Variants in CTNNA3 observed in about 807,000 individuals in gnomAD.
CTNNA3 encodes catenin alpha 3.
CTNNA3 carries 76 observed loss-of-function variants against 95.7 expected under a neutral mutation model. That is an observed-to-expected ratio of 0.79 (90% confidence interval 0.66 to 0.96). The LOEUF (loss-of-function observed/expected upper bound fraction) is 0.96. CTNNA3 is among the 40% of genes least tolerant of loss of function. The probability of loss-of-function intolerance (pLI) is 0.00; values close to 1 mark genes in which losing one functional copy is unlikely to be tolerated. For missense variants in CTNNA3, 1,191 were observed against 1,089.8 expected, an observed-to-expected ratio of 1.09 and a Z score of -1.31; for synonymous variants, 431 against 374.4, an observed-to-expected ratio of 1.15 and a Z score of -1.74.
intron 11 of CTNNA3, among the ~76,000 whole-genome samples, chr10:66,508,825 T>G (rs55638229): frequency 1.1e-4 from 17 of 152,102 alleles, no homozygotes; most frequent in Non-Finnish European, 1.9e-4. Flanking sequence ...TTCGCTCTTA[T>G]GAATAGTGCT....
chr10:66,397,743 C>T (rs1210283777), intron 11 of CTNNA3, among the ~76,000 whole-genome samples: 1 of 151,728 alleles, frequency 6.6e-6, no homozygotes, highest in Non-Finnish European at 1.5e-5. Flanking sequence ...AATGCTAGAC[C>T]ATTTATTTTT....
intron 11 of CTNNA3, among the ~76,000 whole-genome samples, chr10:66,480,918 C>T (rs1839500718): frequency 6.6e-6 from 1 of 152,034 alleles, no homozygotes; most frequent in Non-Finnish European, 1.5e-5. Flanking sequence ...TAAATATTTT[C>T]TAAGTATACT....
chr10:66,069,444 C>T lies in CTNNA3; in HGVS notation c.2023G>A (p.Glu675Lys), dbSNP rs1415628169. 1 of 1,613,244 alleles carries T rather than the reference C, an allele frequency of 6.2e-7. No homozygotes were observed. Among genetic ancestry groups the T allele is most frequent in the Non-Finnish European group, 8.5e-7 (1 of 1,179,670 alleles). The change falls in exon 15 of 18, where the codon GAG becomes AAG. Residue 675 changes from glutamate (E) to lysine (K), a missense_variant. Glu to Lys is a moderately conservative substitution (Grantham distance 56). Transcript: ENST00000433211. ...LPEAEKEKIA[E>K]QVADFKKVKS... ...ACTTTCTTGAAATCAGCAACTTGCT[C>T]AGCAATCTTTTCTTTTTCTGCCTCA... is the stretch of plus-strand genomic sequence containing the variant.
At chr10:66,442,436 A>G (rs1214595496) in intron 11 of CTNNA3, among the ~76,000 whole-genome samples, 1 of 152,142 alleles carries the variant, frequency 6.6e-6, no homozygotes, top group Non-Finnish European at 1.5e-5. Context: ...AATTAAAATA[A>G]CTGTAAATAT....
In CTNNA3 at chr10:67,166,004, T is replaced by G. The variant is rs559775889; in HGVS notation, c.1047+14313A>C. On this transcript the variant is annotated intron_variant, in intron 7 of 17. Coordinates refer to ENST00000433211, the MANE Select transcript of CTNNA3 (RefSeq NM_013266.4). ...AAGCCAACTGCCATACTAACCGTCTTGCCAACTTTGTATTTTCTTTGCATA... is the reference window on the plus strand; with the variant it reads ...AAGCCAACTGCCATACTAACCGTCTGGCCAACTTTGTATTTTCTTTGCATA... Among the ~76,000 whole-genome samples the G allele has an allele frequency of 3.5e-4, 53 of 152,346 alleles. 3 individuals carry two copies. In the South Asian group the frequency reaches 8.5e-3, roughly 24 times the overall value.
chr10:66,792,170 A>AT (rs550311247), intron 7 of CTNNA3, among the ~76,000 whole-genome samples: 3 of 151,780 alleles, frequency 2.0e-5, no homozygotes, highest in African/African-American at 7.3e-5. Context: ...TAAAAGAATC[A>AT]TTTTTTTTCT....
At chr10:66,379,621 A>G (rs549160508) in intron 11 of CTNNA3, among the ~76,000 whole-genome samples, 3 of 152,338 alleles carry the variant, frequency 2.0e-5, no homozygotes, top group Non-Finnish European at 2.9e-5. Flanking sequence ...CCAGTAGATT[A>G]GATTTTAGAC....
In CTNNA3 at chr10:66,583,299, T is replaced by TTTGTTGTTGTTGTTGTTG. The variant is rs139169263; in HGVS notation, c.1374+38375_1374+38392dup. ...TTTGTTTGTTTGCAGTGTTTTGGTT[T>TTTGTTGTTGTTGTTGTTG]TTGTTGTTGTTGTTGTTGTTGTTGT... On this transcript the variant is annotated intron_variant, in intron 10 of 17. Transcript: ENST00000433211. Among the ~76,000 whole-genome samples, 25 of 150,454 alleles carry TTTGTTGTTGTTGTTGTTG rather than the reference T, an allele frequency of 1.7e-4. No individual in the cohort carries two copies. In the East Asian group the frequency reaches 4.7e-3, roughly 28 times the overall value.
At chr10:66,317,260 C>A (rs867931779) in intron 12 of CTNNA3, among the ~76,000 whole-genome samples, 16 of 152,110 alleles carry the variant, frequency 1.1e-4, no homozygotes, top group South Asian at 8.3e-4. Flanking sequence ...CCAGCACATG[C>A]CTTTGAATAA....
chr10:66,202,715 T>A (rs2087510301), intron 13 of CTNNA3, among the ~76,000 whole-genome samples: 1 of 152,226 alleles, frequency 6.6e-6, no homozygotes, highest in African/African-American at 2.4e-5. Context: ...GCTGTTTGTC[T>A]GGCAATATTT....
chr10:66,832,755 G>A (rs1026321515), intron 7 of CTNNA3, among the ~76,000 whole-genome samples: 25 of 152,002 alleles, frequency 1.6e-4, no homozygotes, highest in Middle Eastern at 3.2e-3. Flanking sequence ...CAGAAAAACT[G>A]AAGCTAAGAG....
chr10:66,051,039 G>A (rs1052212663), intron 15 of CTNNA3, among the ~76,000 whole-genome samples: 1 of 151,860 alleles, frequency 6.6e-6, no homozygotes, highest in African/African-American at 2.4e-5. Flanking sequence ...TTTTATTTTT[G>A]TGGTGGGAGG....
chr10:66,020,111 G>A (rs189744613), intron 15 of CTNNA3, among the ~76,000 whole-genome samples: 116 of 152,228 alleles, frequency 7.6e-4, no homozygotes, highest in African/African-American at 2.7e-3. Flanking sequence ...GTAATTTTCT[G>A]TATTTCAATT....
chr10:66,869,815 A>C (rs1844328415), intron 7 of CTNNA3, among the ~76,000 whole-genome samples: 1 of 152,178 alleles, frequency 6.6e-6, no homozygotes, highest in Non-Finnish European at 1.5e-5. Context: ...CTGTCTGCCA[A>C]GTATAATAGC....
rs1251915238 is a variant in CTNNA3 at position 67,219,847 on chromosome 10, T to C, written c.603A>G (p.Arg201=). ...AAGCTCGGGCTCCTGCAATTTCATC[T>C]CTCTGATTTGGAGATTTTAAGTCCT... ...RQQDLKSPNQ[R]DEIAGARASL... Residue 201 remains arginine (R), a synonymous_variant, in exon 6 of 18, where the codon AGA becomes AGG. Transcript: ENST00000433211. 6.2e-7 allele frequency: 1 copy of C among 1,612,264 alleles called. No individual in the cohort carries two copies. Among genetic ancestry groups the C allele is most frequent in the Admixed American group, 1.7e-5 (1 of 59,936 alleles).
intron 7 of CTNNA3, among the ~76,000 whole-genome samples, chr10:67,050,085 G>C (rs1290697403): frequency 2.6e-5 from 4 of 152,150 alleles, no homozygotes; most frequent in Admixed American, 2.6e-4. Context: ...AAGATATAAA[G>C]CTAATATACA....
At chr10:66,628,446 A>T (rs1224368113) in intron 9 of CTNNA3, among the ~76,000 whole-genome samples, 1 of 152,142 alleles carries the variant, frequency 6.6e-6, no homozygotes, top group Non-Finnish European at 1.5e-5. Flanking sequence ...ATTAAACTTA[A>T]CTGCCCCGAG....
At position 66,036,035 on chromosome 10, in the gene CTNNA3, T is replaced by C. The variant is rs202221130; in HGVS notation, c.2159+33273A>G. On this transcript the variant is annotated intron_variant, in intron 15 of 17. Coordinates refer to ENST00000433211, the MANE Select transcript of CTNNA3 (RefSeq NM_013266.4). Reference sequence around the variant, plus strand: ...CCATATTTGTAACTTAGAAGCTCAGTGAAAACTAACTTCAAATGGTAGAAG... The same window carrying C: ...CCATATTTGTAACTTAGAAGCTCAGCGAAAACTAACTTCAAATGGTAGAAG... Among the ~76,000 whole-genome samples, 4 of 152,250 alleles carry C rather than the reference T, an allele frequency of 2.6e-5. No homozygotes were observed. In the East Asian group the frequency reaches 7.7e-4, roughly 29 times the overall value.
chr10:66,314,558 A>C (rs1310513884), intron 12 of CTNNA3, among the ~76,000 whole-genome samples: 1 of 152,040 alleles, frequency 6.6e-6, no homozygotes, highest in Non-Finnish European at 1.5e-5. Context: ...TCTAAGTTCA[A>C]ATATACTTTG....
Sources: gnomAD v4.1 joint callset for allele counts (sites outside exome capture counted in the v4.1 genomes callset) on GRCh38, gnomAD v4.1.1 for gene constraint, MANE v1.5 for transcripts, NCBI Gene and HGNC (gene_info 2026-07-23, HGNC 2026-07-21) for gene names.